Variants in CHURC1 observed in about 807,000 individuals in gnomAD.
CHURC1 encodes the protein protein Churchill.
In CHURC1, 12 loss-of-function variants were observed where a neutral mutation model predicts 15.4. The observed-to-expected ratio is 0.78, with a 90% CI of 0.50 to 1.27. The LOEUF (loss-of-function observed/expected upper bound fraction) is 1.27. Among genes scored for constraint, CHURC1 ranks in the 50% most tolerant of loss-of-function variants. The pLI is 0.00. For synonymous variants in CHURC1, 42 were observed against 47.5 expected, an observed-to-expected ratio of 0.88 and a Z score of 0.48; for missense variants, 132 against 137.8, an observed-to-expected ratio of 0.96 and a Z score of 0.21.
intron 1 of CHURC1, among the ~76,000 whole-genome samples, chr14:64,915,178 C>T (rs1363780172): frequency 2.0e-5 from 3 of 152,210 alleles, no homozygotes; most frequent in African/African-American, 2.4e-5. Flanking sequence ...TATTTCTCCT[C>T]TCTTTGAGAC....
At chr14:64,928,176 TATC>T (rs1208233780) in intron 3 of CHURC1, among the ~76,000 whole-genome samples, 2 of 152,212 alleles carry the variant, frequency 1.3e-5, no homozygotes, top group African/African-American at 4.8e-5. Flanking sequence ...AATCTCATGT[TATC>T]GTCTTTCTTT....
At chr14:64,918,989 TG>T (rs1161425188) in intron 1 of CHURC1, among the ~76,000 whole-genome samples, 1 of 152,270 alleles carries the variant, frequency 6.6e-6, no homozygotes, top group African/African-American at 2.4e-5. Context: ...GAATTCTTAA[TG>T]GGGCTCTGGC....
Position 64,934,863 on chromosome 14 carries a change from T to A in CHURC1, c.*2633T>A. 1.0e-6 allele frequency: 1 copy of A among 984,776 alleles called. No individual in the cohort carries two copies. The highest frequency in any genetic ancestry group is 1.2e-6 in the Non-Finnish European group (1 of 829,330). 61.0% of individuals were successfully genotyped at this position (984,776 alleles called of 1,614,324 possible). ...TATCTATTTGTTTTGGACTATATGT[T>A]ACAAAAATTTAAAACATAAGATCCT... On this transcript the variant is annotated 3_prime_UTR_variant, in exon 4 of 4. Transcript: ENST00000549115.
Position 64,923,024 on chromosome 14 carries a change from G to T in CHURC1, c.40-967G>T, listed in dbSNP as rs576570180. Among the ~76,000 whole-genome samples the T allele has an allele frequency of 9.2e-5, 14 of 152,244 alleles. 1 individual carries two copies. In the South Asian group the frequency reaches 2.3e-3, roughly 25 times the overall value. ...AGATGCACTGGAGAAACGTTGATTT[G>T]AGTGATTTTTAATCACATTATTTAA... On this transcript the variant is annotated intron_variant, in intron 1 of 3. Coordinates refer to ENST00000549115, the MANE Select transcript of CHURC1 (RefSeq NM_001386928.1).
At chr14:64,929,030 T>A (rs539914844) in intron 3 of CHURC1, among the ~76,000 whole-genome samples, 2 of 152,198 alleles carry the variant, frequency 1.3e-5, no homozygotes, top group South Asian at 4.2e-4. Flanking sequence ...TTGCTTGCCT[T>A]TTCTCTGACT....
intron 1 of CHURC1, among the ~76,000 whole-genome samples, chr14:64,919,980 TACTG>T (rs1464798744): frequency 2.0e-5 from 3 of 151,474 alleles, no homozygotes; most frequent in Admixed American, 2.0e-4. Flanking sequence ...GAGTAGAAAA[TACTG>T]AGAGAATACA....
At position 64,933,531 on chromosome 14, in the gene CHURC1, T is replaced by C; in HGVS notation, c.*1301T>C. 2.0e-6 allele frequency: 2 copies of C among 979,858 alleles called. No individual in the cohort carries two copies. The highest frequency in any genetic ancestry group is 2.4e-6 in the Non-Finnish European group (2 of 824,880). The allele number at this position is 979,858 out of a possible 1,614,324, so 60.7% of individuals were successfully genotyped here. A position where few individuals can be genotyped will look rare whatever the true frequency, so the allele number is the denominator to read the frequency against. On this transcript the variant is annotated 3_prime_UTR_variant, in exon 4 of 4. Coordinates refer to ENST00000549115, the MANE Select transcript of CHURC1 (RefSeq NM_001386928.1). ...ACTCTGGACTTTATTGTCCTGTTTC[T>C]ATCAAATTGGACTAACAAAAATTGA...
rs561623125 is a variant in CHURC1, at chr14:64,933,286, A to G, written c.*1056A>G. On this transcript the variant is annotated 3_prime_UTR_variant, in exon 4 of 4. Transcript: ENST00000549115. ...AATGTGGTATCCTACATGGAATTAT[A>G]TACCACGAAAAGAAAAAAAGGTCAT... 4.0e-6 allele frequency: 3 copies of G among 753,838 alleles called. No individual in the cohort carries two copies. In the South Asian group the frequency reaches 1.8e-4, roughly 46 times the overall value. 46.7% of individuals were successfully genotyped at this position (753,838 alleles called of 1,614,324 possible).
At chr14:64,922,577 C>CAA (rs572205182) in intron 1 of CHURC1, among the ~76,000 whole-genome samples, 78 of 83,486 alleles carry the variant, frequency 9.3e-4, no homozygotes, top group Middle Eastern at 6.3e-3. Context: ...GACTCCGTCT[C>CAA]AAAAAAAAAA....
chr14:64,928,906 CTT>C (rs1448930515), intron 3 of CHURC1, among the ~76,000 whole-genome samples: 3 of 152,164 alleles, frequency 2.0e-5, no homozygotes, highest in Non-Finnish European at 2.9e-5. Context: ...TATGCTCTCT[CTT>C]GTAGTGAACA....
At chr14:64,915,203 G>C (rs1321179351) in intron 1 of CHURC1, among the ~76,000 whole-genome samples, 1 of 152,216 alleles carries the variant, frequency 6.6e-6, no homozygotes, top group African/African-American at 2.4e-5. Context: ...TGCTGCTGTT[G>C]CCCAGGCTGG....
Position 64,926,759 on chromosome 14 carries a change from A to G in CHURC1, c.246+679A>G, listed in dbSNP as rs552790873. Among the ~76,000 whole-genome samples, 5 of 152,338 alleles carry G rather than the reference A, an allele frequency of 3.3e-5. No individual in the cohort carries two copies. The South Asian group carries it at 1.0e-3, about 32-fold the overall frequency. The stretch of plus-strand genomic sequence containing the variant: ...TGTGTACCATGGTTGGAGGAGAAAC[A>G]CAGAACCACTGTGAAGCTGGAGATT... On this transcript the variant is annotated intron_variant, in intron 3 of 3. Coordinates refer to ENST00000549115, the MANE Select transcript of CHURC1 (RefSeq NM_001386928.1).
intron 2 of CHURC1, among the ~76,000 whole-genome samples, chr14:64,925,144 A>T (rs1235049117): frequency 1.3e-5 from 2 of 152,194 alleles, no homozygotes; most frequent in Admixed American, 6.5e-5. Context: ...ACTTAACTGA[A>T]GTATGCCATT....
At chr14:64,932,109 A>C (rs1313173873) in intron 3 of CHURC1, 29 bp from the exon 4 acceptor site, 2 of 1,601,422 alleles carry the variant, frequency 1.2e-6, no homozygotes. Flanking sequence ...CTGTTCCTCT[A>C]GGTAATTATG....
At chr14:64,924,348 G>C (rs1050265240) in intron 2 of CHURC1, 3 of 398,182 alleles carry the variant, frequency 7.5e-6, no homozygotes, top group African/African-American at 2.1e-5. Context: ...TACGATTCAG[G>C]AACTGAATTT....
rs988861717 is a variant in CHURC1 at position 64,932,413 on chromosome 14, C to T, written c.*183C>T. The stretch of plus-strand genomic sequence containing the variant: ...CATTGTTCTCTAGAGCTGAGCTCTT[C>T]TGCTAAAGTTCAAAGTTCACATCAG... On this transcript the variant is annotated 3_prime_UTR_variant, in exon 4 of 4. Transcript: ENST00000549115. 3.7e-6 allele frequency: 5 copies of T among 1,338,822 alleles called. No individual in the cohort carries two copies. The highest frequency in any genetic ancestry group is 4.8e-6 in the Non-Finnish European group (5 of 1,043,402). The allele number at this position is 1,338,822 out of a possible 1,614,324, so 82.9% of individuals were successfully genotyped here.
intron 1 of CHURC1, among the ~76,000 whole-genome samples, chr14:64,915,466 A>G (rs1883815780): frequency 6.6e-6 from 1 of 152,270 alleles, no homozygotes; most frequent in Admixed American, 6.5e-5. Context: ...CTCCCCTGAG[A>G]AAAGGTGGAC....
At chr14:64,926,883 A>C (rs950042691) in intron 3 of CHURC1, among the ~76,000 whole-genome samples, 4 of 152,178 alleles carry the variant, frequency 2.6e-5, no homozygotes, top group Non-Finnish European at 5.9e-5. Context: ...GAAGATACAC[A>C]GGTCTGACGG....
rs778045732 is a variant in CHURC1 at position 64,924,016 on chromosome 14, C to A, written c.65C>A (p.Ser22Tyr). The A allele has an allele frequency of 6.4e-7, 1 of 1,567,920 alleles. No homozygotes were observed. Among genetic ancestry groups the A allele is most frequent in the East Asian group, 2.3e-5 (1 of 43,184 alleles). The stretch of plus-strand genomic sequence containing the variant: ...GGTAATACCTGCCTGGAGAATGGAT[C>A]TTTCTTACTGAACTTTACAGGCTGT... ...NRGNTCLENGSFLLNFTGCAV... is the reference protein window; with the variant it reads ...NRGNTCLENGYFLLNFTGCAV... The change falls in exon 2 of 4, where the codon TCT becomes TAT. Residue 22 changes from serine to tyrosine, a missense_variant. Transcript: ENST00000549115.
Sources: gnomAD v4.1 joint callset for allele counts (sites outside exome capture counted in the v4.1 genomes callset) on GRCh38, gnomAD v4.1.1 for gene constraint, MANE v1.5 for transcripts, NCBI Gene and HGNC (gene_info 2026-07-23, HGNC 2026-07-21) for gene names.